The following ATP8A2 variants were observed in gnomAD, a reference collection of about 807,000 sequenced individuals.
ATP8A2 encodes ATPase phospholipid transporting 8A2.
In ATP8A2, 100 loss-of-function variants were observed where a neutral mutation model predicts 165.6. That is an observed-to-expected ratio of 0.60 (90% CI 0.51 to 0.71). The LOEUF is 0.71. Among genes scored for constraint, ATP8A2 ranks in the 30% least tolerant of loss-of-function variants. ATP8A2 has a pLI of 0.00. For synonymous variants in ATP8A2, 543 were observed against 548.8 expected (o/e 0.99, Z 0.15); for missense variants, 1,227 against 1,479.5 (o/e 0.83, Z 2.80).
Position 25,895,238 on chromosome 13 carries a change from G to A in ATP8A2, c.3183+32830G>A, listed in dbSNP as rs1432199256. 2.6e-4 allele frequency among the ~76,000 whole-genome samples: 40 copies of A among 152,214 alleles called. No individual in the cohort carries two copies. The South Asian group carries it at 7.9e-3, about 30-fold the overall frequency. On this transcript the variant is annotated intron_variant, in intron 33 of 36. Transcript: ENST00000381655. The stretch of plus-strand genomic sequence containing the variant: ...ATACCTAATTTATTGAGAGTTTTTA[G>A]CATGAAGGTTGTTGAATTTTGTCAA...
chr13:25,386,527 C>A (rs2033051088), intron 1 of ATP8A2, among the ~76,000 whole-genome samples: 1 of 152,168 alleles, frequency 6.6e-6, no homozygotes, highest in African/African-American at 2.4e-5. Flanking sequence ...TCCAAATAGC[C>A]ATTTCCTCTT....
rs963547467 is a variant in ATP8A2, at chr13:25,704,924, A to G, written c.2384+5579A>G. Among the ~76,000 whole-genome samples, 11 of 152,130 alleles carry G rather than the reference A, an allele frequency of 7.2e-5. 1 individual carries two copies. The highest frequency in any genetic ancestry group is 2.2e-4 in the African/African-American group (9 of 41,424). ...CACAGTTGGCTGTGTCAGCTAATTC[A>G]TTGTCACACGTTTATTACTGATAAT... is the stretch of plus-strand genomic sequence containing the variant. On this transcript the variant is annotated intron_variant, in intron 25 of 36. Coordinates refer to ENST00000381655, the MANE Select transcript of ATP8A2 (RefSeq NM_016529.6).
At chr13:25,847,986 C>A (rs1951908652) in intron 30 of ATP8A2, among the ~76,000 whole-genome samples, 1 of 152,168 alleles carries the variant, frequency 6.6e-6, no homozygotes, top group South Asian at 2.1e-4. Flanking sequence ...CAGAATTACT[C>A]CCATTGTACA....
intron 4 of ATP8A2, among the ~76,000 whole-genome samples, chr13:25,531,121 A>G (rs964002517): frequency 1.7e-4 from 22 of 125,966 alleles, no homozygotes; most frequent in African/African-American, 5.8e-4. Flanking sequence ...CTCCCCCTAT[A>G]TATTTGTGTG....
intron 16 of ATP8A2, among the ~76,000 whole-genome samples, chr13:25,564,979 A>C (rs957645411): frequency 8.5e-5 from 13 of 152,106 alleles, no homozygotes; most frequent in African/African-American, 2.4e-4. Context: ...TCCATTCCTG[A>C]GTTACTTCAC....
chr13:25,810,068 A>G (rs766500873), intron 27 of ATP8A2, among the ~76,000 whole-genome samples: 1 of 152,198 alleles, frequency 6.6e-6, no homozygotes, highest in African/African-American at 2.4e-5. Context: ...TTGTTTTTCC[A>G]TTGGATTTTG....
At chr13:25,737,308 T>G (rs1324182195) in intron 25 of ATP8A2, among the ~76,000 whole-genome samples, 1 of 152,236 alleles carries the variant, frequency 6.6e-6, no homozygotes, top group African/African-American at 2.4e-5. Context: ...TATTTTATTT[T>G]ATTTTTTACT....
chr13:25,452,697 T>G (rs1037040887), intron 1 of ATP8A2, among the ~76,000 whole-genome samples: 1 of 152,206 alleles, frequency 6.6e-6, no homozygotes, highest in African/African-American at 2.4e-5. Flanking sequence ...CATCAATAGG[T>G]ACTGAATTAA....
chr13:26,016,983 G>C (rs1566356412), intron 36 of ATP8A2, among the ~76,000 whole-genome samples: 2 of 152,182 alleles, frequency 1.3e-5, no homozygotes, highest in Admixed American at 6.5e-5. Flanking sequence ...AGCAAGCAAG[G>C]ACTAGAACCA....
intron 24 of ATP8A2, among the ~76,000 whole-genome samples, chr13:25,611,621 C>A (rs1417396136): frequency 6.6e-6 from 1 of 151,858 alleles, no homozygotes; most frequent in Non-Finnish European, 1.5e-5. Flanking sequence ...TTTGTTATGT[C>A]CTTTCCTCAT....
intron 33 of ATP8A2, among the ~76,000 whole-genome samples, chr13:25,889,245 CATATATATATAT>C (rs200723564): frequency 9.1e-5 from 10 of 109,936 alleles, no homozygotes; most frequent in Admixed American, 2.0e-4. Flanking sequence ...CATCCTTTGT[CATATATATATAT>C]ATATATATAT....
chr13:25,882,793 A>G (rs1056515819), intron 33 of ATP8A2, among the ~76,000 whole-genome samples: 1 of 152,156 alleles, frequency 6.6e-6, no homozygotes, highest in African/African-American at 2.4e-5. Flanking sequence ...AAAATTAGCC[A>G]CAAATCCCAA....
At chr13:25,609,785 AT>A (rs532359123) in intron 24 of ATP8A2, among the ~76,000 whole-genome samples, 24,874 of 133,712 alleles carry the variant, frequency 0.19, 2,358 homozygotes, top group Non-Finnish European at 0.25. Context: ...ACCAACACCT[AT>A]TTTTTTTTTT....
chr13:25,512,478 C>G (rs1442600089), intron 2 of ATP8A2, among the ~76,000 whole-genome samples: 2 of 151,972 alleles, frequency 1.3e-5, no homozygotes, highest in East Asian at 3.9e-4. Flanking sequence ...CACCCCTCAT[C>G]TCCCGGACGG....
At chr13:25,867,494 T>TG (rs1376665851) in intron 33 of ATP8A2, among the ~76,000 whole-genome samples, 1 of 152,144 alleles carries the variant, frequency 6.6e-6, no homozygotes, top group African/African-American at 2.4e-5. Flanking sequence ...ACGGTAGGAA[T>TG]CCACCCGAGG....
intron 10 of ATP8A2, among the ~76,000 whole-genome samples, chr13:25,544,321 C>T (rs1175083280): frequency 6.6e-6 from 1 of 152,240 alleles, no homozygotes; most frequent in Non-Finnish European, 1.5e-5. Flanking sequence ...CAGTGGACTA[C>T]ATGCTAAGAA....
chr13:25,727,801 G>A (rs937429598), intron 25 of ATP8A2, among the ~76,000 whole-genome samples: 2 of 151,988 alleles, frequency 1.3e-5, no homozygotes, highest in Non-Finnish European at 2.9e-5. Context: ...ACTCCCCTTT[G>A]TAATTTCCTA....
At chr13:25,819,877 G>A (rs1002338488) in intron 27 of ATP8A2, among the ~76,000 whole-genome samples, 1 of 152,128 alleles carries the variant, frequency 6.6e-6, no homozygotes, top group Non-Finnish European at 1.5e-5. Flanking sequence ...GATATCTTTG[G>A]TGCCAGTTTA....
At chr13:25,899,284 G>A (rs1470335411) in intron 33 of ATP8A2, among the ~76,000 whole-genome samples, 2 of 152,214 alleles carry the variant, frequency 1.3e-5, no homozygotes, top group Non-Finnish European at 2.9e-5. Flanking sequence ...TGGCCTGCCA[G>A]TATGCCCTGG....
Sources: gnomAD v4.1 joint callset for allele counts (sites outside exome capture counted in the v4.1 genomes callset) on GRCh38, gnomAD v4.1.1 for gene constraint, MANE v1.5 for transcripts, NCBI Gene and HGNC (gene_info 2026-07-23, HGNC 2026-07-21) for gene names.